MMP17: variants seen among roughly 807,000 people sequenced by gnomAD.
MMP17 encodes matrix metallopeptidase 17.
In MMP17, 54 loss-of-function variants were observed where a neutral mutation model predicts 49.1. That is an observed-to-expected ratio of 1.10 (90% CI 0.88 to 1.38). MMP17 has a LOEUF of 1.38. MMP17 is among the 40% of genes most tolerant of loss of function. MMP17 has a pLI of 0.00. For missense variants in MMP17, 837 were observed against 853.7 expected (o/e 0.98, Z 0.24); for synonymous variants, 397 against 383.1 (o/e 1.04, Z -0.42).
At position 131,845,307 on chromosome 12, in the gene MMP17, C is replaced by T; in HGVS notation, c.1062C>T (p.Phe354=). Residue 354 remains phenylalanine (F), a synonymous_variant, in exon 8 of 10, where the codon TTC becomes TTT. Coordinates refer to ENST00000360564, the MANE Select transcript of MMP17 (RefSeq NM_016155.7). Reference sequence around the variant, plus strand: ...CCTCTGTGCCCCCAGGCAAGTACTTCTGGCGGCTGACGCGGGACCGGCACC... The same window carrying T: ...CCTCTGTGCCCCCAGGCAAGTACTTTTGGCGGCTGACGCGGGACCGGCACC... ...GEAFFFKGKY[F]WRLTRDRHLV... 1.2e-6 allele frequency: 2 copies of T among 1,608,072 alleles called. No homozygotes were observed. The highest frequency in any genetic ancestry group is 2.2e-5 in the East Asian group (1 of 44,716).
chr12:131,832,811 C>G (rs554278145), intron 1 of MMP17, among the ~76,000 whole-genome samples: 34 of 152,298 alleles, frequency 2.2e-4, no homozygotes, highest in East Asian at 3.9e-4. Context: ...CCTTCTCCAC[C>G]CCGCCCCCTG....
rs1887880056 is a variant in MMP17, at chr12:131,849,810, T to C, written c.1213T>C (p.Tyr405His). 1.2e-6 allele frequency: 2 copies of C among 1,612,956 alleles called. No homozygotes were observed. The highest frequency in any genetic ancestry group is 1.7e-5 in the Admixed American group (1 of 59,974). ...HKIVFFKGDR[Y>H]WVFKDNNVEE... ...GTTTCTCTCGCCCCCAGGAGACAGG[T>C]ACTGGGTGTTCAAGGACAATAACGT... The change falls in exon 9 of 10, where the codon TAC (tyrosine) becomes CAC (histidine). Residue 405 changes from tyrosine (Y) to histidine (H), a missense_variant. Tyr to His is a moderately conservative substitution (Grantham distance 83, BLOSUM62 2). Transcript: ENST00000360564.
At chr12:131,830,293 C>G (rs1886724305) in intron 1 of MMP17, among the ~76,000 whole-genome samples, 1 of 152,250 alleles carries the variant, frequency 6.6e-6, no homozygotes, top group South Asian at 2.1e-4. Context: ...TCCTGGCACC[C>G]CGGGGGTCAC....
chr12:131,839,317 C>T (rs957071727), intron 3 of MMP17, among the ~76,000 whole-genome samples: 1 of 145,438 alleles, frequency 6.9e-6, no homozygotes, highest in Non-Finnish European at 1.5e-5. Flanking sequence ...GACCCTATTT[C>T]TTTTTTTTTT....
intron 6 of MMP17, 47 bp from the exon 7 acceptor site, chr12:131,845,071 C>T (rs200612244): frequency 1.1e-5 from 16 of 1,495,380 alleles, no homozygotes; most frequent in Middle Eastern, 3.5e-4. Flanking sequence ...CCCTGTCCCG[C>T]GCTGCCCAGG....
chr12:131,843,265 CTCTTTTTTTT>C (rs1460118257), intron 5 of MMP17, among the ~76,000 whole-genome samples: 1 of 130,520 alleles, frequency 7.7e-6, no homozygotes, highest in Non-Finnish European at 1.6e-5. Flanking sequence ...CGCACCTGGC[CTCTTTTTTTT>C]TTTTTTTTTT....
chr12:131,839,608 G>A (rs1025179023), intron 3 of MMP17, among the ~76,000 whole-genome samples: 4 of 152,108 alleles, frequency 2.6e-5, no homozygotes, highest in Admixed American at 1.3e-4. Flanking sequence ...CAAGTAGGTG[G>A]GATTACAGGC....
At chr12:131,850,158 C>A (rs562480260) in intron 9 of MMP17, 99 bp downstream of exon 9, 8 of 1,424,216 alleles carry the variant, frequency 5.6e-6, no homozygotes, top group Non-Finnish European at 7.4e-6. Flanking sequence ...GAAAGGAGGA[C>A]GGCCCCGGTC....
In MMP17 at chr12:131,828,430, G is replaced by T; in HGVS notation, c.-65G>T. On this transcript the variant is annotated 5_prime_UTR_variant, in exon 1 of 10. Transcript: ENST00000360564. ...GCGCCGCGGAGAGCGGAGGGCGCCG[G>T]GCTGCGGAACGCGAAGCGGAGGGCG... 1 of 921,208 alleles carries T rather than the reference G, an allele frequency of 1.1e-6. No homozygotes were observed. Among genetic ancestry groups the T allele is most frequent in the African/African-American group, 1.8e-5 (1 of 55,772 alleles). The allele number at this position is 921,208 out of a possible 1,614,324, so 57.1% of individuals were successfully genotyped here. A position where few individuals can be genotyped will look rare whatever the true frequency, so the allele number is the denominator to read the frequency against.
At chr12:131,830,562 G>A (rs868688450) in intron 1 of MMP17, among the ~76,000 whole-genome samples, 1 of 152,246 alleles carries the variant, frequency 6.6e-6, no homozygotes, top group African/African-American at 2.4e-5. Context: ...AGGGGCGGGC[G>A]GCTTCCCCGC....
chr12:131,841,592 C>A, intron 4 of MMP17, 32 bp from the exon 5 acceptor site: 1 of 1,612,706 alleles, frequency 6.2e-7, no homozygotes. Flanking sequence ...GCCCTTCTTG[C>A]CCTTAGTTCA....
intron 1 of MMP17, among the ~76,000 whole-genome samples, chr12:131,830,385 C>T (rs994483063): frequency 3.3e-5 from 5 of 152,234 alleles, no homozygotes; most frequent in Admixed American, 2.6e-4. Context: ...GCCCCGGTGT[C>T]CAGCCGGAGA....
Position 131,845,403 on chromosome 12 carries a change from C to T in MMP17, c.1158C>T (p.Asp386=), listed in dbSNP as rs113204400. 3.3e-5 allele frequency: 52 copies of T among 1,590,382 alleles called. No homozygotes were observed. The African/African-American group carries it at 4.8e-4, about 15-fold the overall frequency. The change falls in exon 8 of 10, where the codon GAC becomes GAT. Residue 386 remains aspartate (D), a synonymous_variant. Coordinates refer to ENST00000360564, the MANE Select transcript of MMP17 (RefSeq NM_016155.7). The stretch of plus-strand genomic sequence containing the variant: ...TGCCGCTGCACCTGGACAGCGTGGA[C>T]GCCGTGTACGAGCGCACCAGCGACC... The part of the protein sequence containing the change: ...RGLPLHLDSV[D]AVYERTSDHK...
intron 5 of MMP17, among the ~76,000 whole-genome samples, chr12:131,842,524 G>A (rs7487492): frequency 0.39 from 59,525 of 151,604 alleles, 12,709 homozygotes; most frequent in East Asian, 0.5. Flanking sequence ...CTGTAATCCC[G>A]GCACTTTGGG....
At chr12:131,843,419 GA>G (rs979490399) in intron 5 of MMP17, among the ~76,000 whole-genome samples, 2 of 151,544 alleles carry the variant, frequency 1.3e-5, no homozygotes, top group African/African-American at 4.8e-5. Flanking sequence ...CTAATTTTTA[GA>G]TTTTTTTGTA....
chr12:131,839,558 C>T (rs1031930049), intron 3 of MMP17, among the ~76,000 whole-genome samples: 7 of 152,122 alleles, frequency 4.6e-5, no homozygotes, highest in African/African-American at 1.7e-4. Flanking sequence ...ACTACAACCT[C>T]TGTCTCCTGG....
chr12:131,830,285 C>T (rs950210462), intron 1 of MMP17, among the ~76,000 whole-genome samples: 2 of 152,380 alleles, frequency 1.3e-5, no homozygotes, highest in Admixed American at 6.5e-5. Flanking sequence ...TCGGTCTCTC[C>T]TGGCACCCCG....
At chr12:131,842,078 G>A (rs867229836) in intron 5 of MMP17, among the ~76,000 whole-genome samples, 3 of 152,324 alleles carry the variant, frequency 2.0e-5, no homozygotes, top group East Asian at 1.9e-4. Flanking sequence ...CACATTGCAC[G>A]TCTTAAATCA....
chr12:131,835,828 T>C (rs527918082), intron 1 of MMP17, among the ~76,000 whole-genome samples: 4 of 152,316 alleles, frequency 2.6e-5, no homozygotes, highest in Non-Finnish European at 5.9e-5. Context: ...TGAGCTGTGA[T>C]CTTAACAAAG....
Sources: gnomAD v4.1 joint callset for allele counts (sites outside exome capture counted in the v4.1 genomes callset) on GRCh38, gnomAD v4.1.1 for gene constraint, MANE v1.5 for transcripts, NCBI Gene and HGNC (gene_info 2026-07-23, HGNC 2026-07-21) for gene names.